Variants in CACNA2D1 observed in about 807,000 individuals in gnomAD.
CACNA2D1 encodes voltage-dependent calcium channel subunit alpha-2/delta-1.
In CACNA2D1, 53 loss-of-function variants were observed where a neutral mutation model predicts 171.5. The ratio of observed to expected loss-of-function variants is 0.31; its 90% confidence interval spans 0.25 to 0.39. CACNA2D1 has a LOEUF of 0.39. Ranked by LOEUF, CACNA2D1 falls within the 10% of genes least tolerant of loss-of-function variation. The pLI is 1.00. For missense variants in CACNA2D1, 903 were observed against 1,299.8 expected (o/e 0.69, Z 4.69); for synonymous variants, 442 against 443.1 (o/e 1.00, Z 0.03).
At chr7:82,091,197 G>T (rs258650) in intron 6 of CACNA2D1, among the ~76,000 whole-genome samples, 56,097 of 151,990 alleles carry the variant, frequency 0.37, 10,806 homozygotes, top group East Asian at 0.43. Context: ...AATGAAAGAT[G>T]AATAAGGTAC....
intron 21 of CACNA2D1, among the ~76,000 whole-genome samples, chr7:81,990,173 C>T (rs952472112): frequency 3.9e-5 from 6 of 152,086 alleles, no homozygotes; most frequent in South Asian, 2.1e-4. Context: ...AAGTGTTTTC[C>T]ATGGACCTAG....
At chr7:82,088,865 A>G (rs949704635) in intron 6 of CACNA2D1, among the ~76,000 whole-genome samples, 2 of 152,000 alleles carry the variant, frequency 1.3e-5, no homozygotes, top group Admixed American at 6.6e-5. Context: ...ACATGGTTTC[A>G]GGATGACTCT....
At chr7:82,192,456 GTGTT>G (rs1475892549) in intron 3 of CACNA2D1, among the ~76,000 whole-genome samples, 3 of 106,684 alleles carry the variant, frequency 2.8e-5, no homozygotes, top group African/African-American at 8.0e-5. Flanking sequence ...ATGTGTGTTT[GTGTT>G]TGTGTGTGTG....
chr7:82,035,785 A>T (rs1037306226), intron 11 of CACNA2D1, among the ~76,000 whole-genome samples: 5 of 152,200 alleles, frequency 3.3e-5, no homozygotes, highest in African/African-American at 1.2e-4. Context: ...TAAGCAAAAA[A>T]TAATTTTTAT....
chr7:82,421,541 G>C (rs73158798), intron 1 of CACNA2D1, among the ~76,000 whole-genome samples: 27,490 of 152,046 alleles, frequency 0.18, 2,717 homozygotes, highest in Middle Eastern at 0.22. Flanking sequence ...ACAAGAATTT[G>C]AATTTGATCA....
At chr7:82,177,026 A>G (rs1796603501) in intron 3 of CACNA2D1, among the ~76,000 whole-genome samples, 1 of 138,674 alleles carries the variant, frequency 7.2e-6, no homozygotes, top group Admixed American at 8.0e-5. Flanking sequence ...GATCCTAAAA[A>G]TAGTGTCATT....
intron 3 of CACNA2D1, among the ~76,000 whole-genome samples, chr7:82,244,820 A>G (rs894668233): frequency 1.3e-5 from 2 of 152,126 alleles, no homozygotes; most frequent in African/African-American, 4.8e-5. Flanking sequence ...TTTTTTAAGT[A>G]TCATCACATC....
At chr7:82,360,305 T>C (rs376279562) in intron 1 of CACNA2D1, among the ~76,000 whole-genome samples, 15 of 152,140 alleles carry the variant, frequency 9.9e-5, no homozygotes, top group East Asian at 3.8e-4. Context: ...AAAAGGCTGT[T>C]ACAGTTAGAA....
intron 3 of CACNA2D1, among the ~76,000 whole-genome samples, chr7:82,171,289 C>T (rs1032278053): frequency 6.6e-6 from 1 of 152,052 alleles, no homozygotes; most frequent in Non-Finnish European, 1.5e-5. Flanking sequence ...TTGCTAGTGT[C>T]AGCCTGCCAA....
intron 3 of CACNA2D1, among the ~76,000 whole-genome samples, chr7:82,255,957 C>A (rs1563266217): frequency 6.6e-6 from 1 of 152,112 alleles, no homozygotes; most frequent in Non-Finnish European, 1.5e-5. Context: ...AGTACACACA[C>A]TGAGTGACAG....
intron 3 of CACNA2D1, among the ~76,000 whole-genome samples, chr7:82,188,750 A>G (rs1798008445): frequency 6.6e-6 from 1 of 152,142 alleles, no homozygotes; most frequent in African/African-American, 2.4e-5. Context: ...CATAATAGCA[A>G]AAACATGGAA....
At chr7:82,115,868 A>G (rs2129052791) in intron 6 of CACNA2D1, among the ~76,000 whole-genome samples, 1 of 152,284 alleles carries the variant, frequency 6.6e-6, no homozygotes, top group Non-Finnish European at 1.5e-5. Flanking sequence ...CACTATTATG[A>G]GAATTTAAAT....
At chr7:82,170,687 T>C in intron 3 of CACNA2D1, 78 bp from the exon 4 acceptor site, 1 of 1,296,446 alleles carries the variant, frequency 7.7e-7, no homozygotes, top group Non-Finnish European at 1.1e-6. Flanking sequence ...TTGCGCTTTC[T>C]AATCAATTTT....
At chr7:82,221,590 CA>C (rs747081193) in intron 3 of CACNA2D1, among the ~76,000 whole-genome samples, 1 of 151,708 alleles carries the variant, frequency 6.6e-6, no homozygotes, top group Non-Finnish European at 1.5e-5. Flanking sequence ...ATTAAAAATA[CA>C]AAAAAATAGC....
At chr7:82,152,303 G>A (rs1282803574) in intron 4 of CACNA2D1, among the ~76,000 whole-genome samples, 2 of 110,974 alleles carry the variant, frequency 1.8e-5, no homozygotes, top group African/African-American at 7.1e-5. Context: ...AATATACAAA[G>A]TTGAGCTCAG....
At chr7:81,982,973 T>C (rs1796591482) in intron 23 of CACNA2D1, among the ~76,000 whole-genome samples, 1 of 152,186 alleles carries the variant, frequency 6.6e-6, no homozygotes, top group South Asian at 2.1e-4. Context: ...ATTATTTATA[T>C]AAAGTTTACC....
chr7:82,152,804 T>C (rs1241728390), intron 4 of CACNA2D1, among the ~76,000 whole-genome samples: 5 of 152,026 alleles, frequency 3.3e-5, no homozygotes, highest in Admixed American at 2.6e-4. Flanking sequence ...AGTAACTCTT[T>C]AGTTAAATGC....
At chr7:82,318,735 A>C (rs1815421516) in intron 3 of CACNA2D1, among the ~76,000 whole-genome samples, 1 of 152,192 alleles carries the variant, frequency 6.6e-6, no homozygotes, top group Admixed American at 6.6e-5. Context: ...CAAAAATGCC[A>C]ACCTAGAACT....
chr7:82,385,206 G>A (rs1387317766), intron 1 of CACNA2D1, among the ~76,000 whole-genome samples: 1 of 152,136 alleles, frequency 6.6e-6, no homozygotes, highest in Non-Finnish European at 1.5e-5. Flanking sequence ...CCCTGCTACT[G>A]GCCATCCAAA....
Sources: gnomAD v4.1 joint callset for allele counts (sites outside exome capture counted in the v4.1 genomes callset) on GRCh38, gnomAD v4.1.1 for gene constraint, MANE v1.5 for transcripts, NCBI Gene and HGNC (gene_info 2026-07-23, HGNC 2026-07-21) for gene names.